Variants in RNF152 observed in about 807,000 individuals in gnomAD.
RNF152 encodes the protein E3 ubiquitin-protein ligase RNF152.
A neutral mutation model predicts 12.7 loss-of-function variants in RNF152; 11 were observed. The ratio of observed to expected loss-of-function variants is 0.86; its 90% CI spans 0.54 to 1.43. The LOEUF is 1.43. Ranked by LOEUF, RNF152 falls within the 40% of genes most tolerant of loss-of-function variation. The pLI, the probability that RNF152 is intolerant of heterozygous loss-of-function variation, is 0.00. For synonymous variants in RNF152, 113 were observed against 120.3 expected (o/e 0.94, Z 0.40); for missense variants, 255 against 274.8 (o/e 0.93, Z 0.51).
chr18:61,829,247 G>C (rs925390792), intron 1 of RNF152, among the ~76,000 whole-genome samples: 1 of 152,178 alleles, frequency 6.6e-6, no homozygotes, highest in African/African-American at 2.4e-5. Flanking sequence ...GCAGGGCACA[G>C]CCTGGACGAC....
intron 1 of RNF152, among the ~76,000 whole-genome samples, chr18:61,837,132 T>A (rs1910224980): frequency 6.6e-6 from 1 of 152,180 alleles, no homozygotes; most frequent in East Asian, 1.9e-4. Context: ...AATGTTCGTC[T>A]TGCATCCAGT....
At chr18:61,836,932 C>G (rs1429884965) in intron 1 of RNF152, among the ~76,000 whole-genome samples, 1 of 152,148 alleles carries the variant, frequency 6.6e-6, no homozygotes, top group Non-Finnish European at 1.5e-5. Flanking sequence ...CTTTGACAGA[C>G]AGGATATTTA....
intron 1 of RNF152, among the ~76,000 whole-genome samples, chr18:61,855,471 C>T (rs978391505): frequency 6.6e-6 from 1 of 152,238 alleles, no homozygotes; most frequent in Non-Finnish European, 1.5e-5. Context: ...TGTGACACCC[C>T]CTTTGGGGCT....
chr18:61,869,771 A>C (rs529211316), intron 1 of RNF152, among the ~76,000 whole-genome samples: 1 of 152,338 alleles, frequency 6.6e-6, no homozygotes, highest in African/African-American at 2.4e-5. Context: ...ACACACATGC[A>C]CACACCCGGA....
chr18:61,873,333 T>C (rs2144741255), intron 1 of RNF152, among the ~76,000 whole-genome samples: 1 of 152,274 alleles, frequency 6.6e-6, no homozygotes, highest in South Asian at 2.1e-4. Context: ...GCAGTCTCCT[T>C]TCTTTTTGTT....
chr18:61,846,663 T>G (rs1910755777), intron 1 of RNF152, among the ~76,000 whole-genome samples: 1 of 152,186 alleles, frequency 6.6e-6, no homozygotes, highest in Non-Finnish European at 1.5e-5. Flanking sequence ...AACTCAACAC[T>G]GGGCAAACAC....
At chr18:61,858,982 G>C (rs1304360203) in intron 1 of RNF152, among the ~76,000 whole-genome samples, 9 of 151,830 alleles carry the variant, frequency 5.9e-5, no homozygotes, top group African/African-American at 2.2e-4. Flanking sequence ...TTTCTTACGC[G>C]CCGGGTGATG....
At chr18:61,844,458 G>A (rs561690253) in intron 1 of RNF152, among the ~76,000 whole-genome samples, 7 of 152,290 alleles carry the variant, frequency 4.6e-5, no homozygotes, top group Admixed American at 2.0e-4. Flanking sequence ...GCTTCACCTT[G>A]GCAAAAGAAA....
chr18:61,888,776 G>A (rs1912811603), intron 1 of RNF152: 1 of 152,182 alleles, frequency 6.6e-6, no homozygotes, highest in African/African-American at 2.4e-5. Context: ...ATCACACAGT[G>A]TAACTCTCGA....
At chr18:61,884,096 T>C (rs903014022) in intron 1 of RNF152, among the ~76,000 whole-genome samples, 3 of 152,196 alleles carry the variant, frequency 2.0e-5, no homozygotes, top group Non-Finnish European at 2.9e-5. Flanking sequence ...TGGTAGATGC[T>C]GGATATAAGG....
At chr18:61,892,093 T>C (rs1912986116) in intron 1 of RNF152, among the ~76,000 whole-genome samples, 1 of 152,078 alleles carries the variant, frequency 6.6e-6, no homozygotes. Flanking sequence ...AACAGAACTA[T>C]CCTTGGAAAG....
At chr18:61,819,281 A>G (rs1012971132) in intron 1 of RNF152, among the ~76,000 whole-genome samples, 3 of 152,168 alleles carry the variant, frequency 2.0e-5, no homozygotes, top group African/African-American at 7.2e-5. Flanking sequence ...GGGAGGGGAG[A>G]AATGAGCTTA....
intron 1 of RNF152, among the ~76,000 whole-genome samples, chr18:61,835,789 A>G (rs1324255784): frequency 6.6e-6 from 1 of 152,122 alleles, no homozygotes; most frequent in Non-Finnish European, 1.5e-5. Flanking sequence ...AACTTTACCT[A>G]TTTGGTTAGT....
chr18:61,885,981 C>CTTTTTTTTTTTTT (rs1912676681), intron 1 of RNF152, among the ~76,000 whole-genome samples: 1 of 65,880 alleles, frequency 1.5e-5, no homozygotes, highest in African/African-American at 5.6e-5. Context: ...CTTTCTTTTG[C>CTTTTTTTTTTTTT]TTTCTTTTTT....
Position 61,841,122 on chromosome 18 carries a change from G to T in RNF152, c.-135-24524C>A, listed in dbSNP as rs1173628103. Among the ~76,000 whole-genome samples the T allele has an allele frequency of 3.3e-5, 5 of 152,328 alleles. No homozygotes were observed. The East Asian group carries it at 7.7e-4, about 24-fold the overall frequency. ...CAGAAGTCAGGCTCGGTCCATTTCA[G>T]ATTTCATCTTCTGCTTTTTAGAAAT... On this transcript the variant is annotated intron_variant, in intron 1 of 1. Transcript: ENST00000312828.
chr18:61,875,282 C>A (rs1912162567), intron 1 of RNF152, among the ~76,000 whole-genome samples: 1 of 152,178 alleles, frequency 6.6e-6, no homozygotes. Flanking sequence ...ATGGAACAGT[C>A]CTTAAGCACC....
chr18:61,882,848 G>T (rs1259333997), intron 1 of RNF152, among the ~76,000 whole-genome samples: 1 of 152,148 alleles, frequency 6.6e-6, no homozygotes, highest in Non-Finnish European at 1.5e-5. Context: ...ACTGGGTGCT[G>T]AGTACACAAT....
intron 1 of RNF152, among the ~76,000 whole-genome samples, chr18:61,825,142 G>A (rs539755594): frequency 2.6e-5 from 4 of 152,334 alleles, no homozygotes; most frequent in South Asian, 2.1e-4. Context: ...GATATTTATT[G>A]TGAACTCACC....
intron 1 of RNF152, among the ~76,000 whole-genome samples, chr18:61,881,301 G>A (rs1317801153): frequency 3.3e-5 from 5 of 152,122 alleles, no homozygotes; most frequent in South Asian, 4.1e-4. Context: ...TATAGCGAAC[G>A]ACACCAGTCA....
Sources: gnomAD v4.1 joint callset for allele counts (sites outside exome capture counted in the v4.1 genomes callset) on GRCh38, gnomAD v4.1.1 for gene constraint, MANE v1.5 for transcripts, NCBI Gene and HGNC (gene_info 2026-07-23, HGNC 2026-07-21) for gene names.